ASTN1: variants seen among roughly 807,000 people sequenced by gnomAD.
ASTN1 encodes the protein astrotactin-1.
A neutral mutation model predicts 140.7 loss-of-function variants in ASTN1; 41 were observed. That is an observed-to-expected ratio of 0.29 (90% CI 0.23 to 0.38). The LOEUF is 0.38. Among genes scored for constraint, ASTN1 ranks in the 10% least tolerant of loss-of-function variants. The probability of loss-of-function intolerance (pLI) is 1.00; values close to 1 mark genes in which losing one functional copy is unlikely to be tolerated. For missense variants in ASTN1, 1,479 were observed against 1,678.8 expected, an observed-to-expected ratio of 0.88 and a Z score of 2.08; for synonymous variants, 640 against 652.2, an observed-to-expected ratio of 0.98 and a Z score of 0.29.
rs1310621313 is a variant in ASTN1 at position 176,915,142 on chromosome 1, A to T, written c.2671+19010T>A. ...ATAGCATACAGTGTTGGTCAAAAAT[A>T]ATTTGAACATAAAAATCACTTCTTG... On this transcript the variant is annotated intron_variant, in intron 16 of 22. Transcript: ENST00000361833. 2.0e-5 allele frequency among the ~76,000 whole-genome samples: 3 copies of T among 152,184 alleles called. No individual in the cohort carries two copies. In the East Asian group the frequency reaches 5.8e-4, roughly 29 times the overall value.
intron 15 of ASTN1, chr1:176,936,032 C>T (rs766643552): frequency 3.2e-5 from 19 of 587,846 alleles, no homozygotes; most frequent in Non-Finnish European, 5.0e-5. Flanking sequence ...CAGTCTTGCC[C>T]TTTCCCTCTC....
rs115531744 is a variant in ASTN1, at chr1:177,141,334, G to C, written c.283+23060C>G. On this transcript the variant is annotated intron_variant, in intron 1 of 22. Coordinates refer to ENST00000361833, the MANE Select transcript of ASTN1 (RefSeq NM_004319.3). Reference sequence around the variant, plus strand: ...GGACCTGGCGTGCAATGAATGATGGGGGCTTGGGGAACTTCTCTTCTCCAG... The same window carrying C: ...GGACCTGGCGTGCAATGAATGATGGCGGCTTGGGGAACTTCTCTTCTCCAG... Among the ~76,000 whole-genome samples, 746 of 152,220 alleles carry C rather than the reference G, an allele frequency of 4.9e-3. 6 individuals carry two copies. The highest frequency in any genetic ancestry group is 0.017 in the African/African-American group (715 of 41,528).
At chr1:176,957,322 C>A (rs1428743180) in intron 11 of ASTN1, among the ~76,000 whole-genome samples, 1 of 151,980 alleles carries the variant, frequency 6.6e-6, no homozygotes, top group African/African-American at 2.4e-5. Flanking sequence ...TTTTCACTAC[C>A]ATTCCTGGCA....
At chr1:177,128,246 A>T (rs2102196294) in intron 1 of ASTN1, among the ~76,000 whole-genome samples, 1 of 152,310 alleles carries the variant, frequency 6.6e-6, no homozygotes, top group East Asian at 1.9e-4. Context: ...CTTTCTGAAG[A>T]TTATTTTTTA....
At chr1:176,937,543 C>G (rs1185764834) in intron 14 of ASTN1, among the ~76,000 whole-genome samples, 2 of 151,946 alleles carry the variant, frequency 1.3e-5, no homozygotes, top group Non-Finnish European at 1.5e-5. Flanking sequence ...TGAATTCTAG[C>G]CATTACTATA....
chr1:176,948,195 G>A (rs892369543), intron 12 of ASTN1, among the ~76,000 whole-genome samples: 4 of 152,012 alleles, frequency 2.6e-5, no homozygotes, highest in Non-Finnish European at 5.9e-5. Context: ...ATCCTTGAGG[G>A]CAAGAACTAT....
intron 14 of ASTN1, among the ~76,000 whole-genome samples, chr1:176,939,523 C>T (rs1671608978): frequency 6.6e-6 from 1 of 151,972 alleles, no homozygotes; most frequent in Non-Finnish European, 1.5e-5. Context: ...GATAATAATT[C>T]CATTAGTTAA....
intron 20 of ASTN1, among the ~76,000 whole-genome samples, chr1:176,882,413 T>C (rs145535798): frequency 2.6e-5 from 4 of 152,378 alleles, no homozygotes; most frequent in Non-Finnish European, 4.4e-5. Context: ...TTCATGCTTC[T>C]TCACCTTTGC....
At chr1:176,977,574 T>G (rs931459617) in intron 8 of ASTN1, among the ~76,000 whole-genome samples, 2 of 152,236 alleles carry the variant, frequency 1.3e-5, no homozygotes, top group African/African-American at 4.8e-5. Context: ...TGGCATTTAT[T>G]TTGTCAATTT....
In ASTN1 at chr1:177,030,864, G is replaced by A; in HGVS notation, c.954C>T (p.Ala318=). ...TGCTGGAGGTGTGAGAGAGAAGGGTGGCTTGCTGGTGGTTGGAGTCCACAG... is the reference window on the plus strand; with the variant it reads ...TGCTGGAGGTGTGAGAGAGAAGGGTAGCTTGCTGGTGGTTGGAGTCCACAG... The part of the protein sequence containing the change: ...TSPVDSNHQQ[A]TLLSHTSSSQ... The change falls in exon 4 of 23, where the codon GCC becomes GCT. Residue 318 remains alanine, a synonymous_variant. Coordinates refer to ENST00000361833, the MANE Select transcript of ASTN1 (RefSeq NM_004319.3). The A allele has an allele frequency of 6.2e-7, 1 of 1,614,178 alleles. No homozygotes were observed. Among genetic ancestry groups the A allele is most frequent in the South Asian group, 1.1e-5 (1 of 91,084 alleles).
chr1:176,949,135 C>T (rs1385602187), intron 12 of ASTN1, 50 bp downstream of exon 12: 2 of 1,603,918 alleles, frequency 1.2e-6, no homozygotes, highest in Admixed American at 1.7e-5. Context: ...GAAAGTCCTG[C>T]GTCCTGGGAC....
intron 2 of ASTN1, among the ~76,000 whole-genome samples, chr1:177,040,258 G>A (rs6672689): frequency 0.35 from 52,561 of 152,130 alleles, 9,970 homozygotes; most frequent in Middle Eastern, 0.44. Flanking sequence ...GTCTTTAATC[G>A]TGTGGAAAGG....
chr1:176,925,821 T>A (rs2103079852), intron 16 of ASTN1, among the ~76,000 whole-genome samples: 1 of 151,920 alleles, frequency 6.6e-6, no homozygotes, highest in Non-Finnish European at 1.5e-5. Context: ...TCTTTTTTTT[T>A]TTTTTGAGGA....
Position 176,925,423 on chromosome 1 carries a change from C to T in ASTN1, c.2671+8729G>A, listed in dbSNP as rs150245687. 4.0e-3 allele frequency among the ~76,000 whole-genome samples: 609 copies of T among 152,246 alleles called. 4 individuals are homozygous for T. Among genetic ancestry groups the T allele is most frequent in the African/African-American group, 0.014 (580 of 41,528 alleles). On this transcript the variant is annotated intron_variant, in intron 16 of 22. Transcript: ENST00000361833. The stretch of plus-strand genomic sequence containing the variant: ...CTTGTCAGAAACGCAGAATTTCAGG[C>T]CCCACCCAGACTTACTGAATTAGAA...
chr1:176,899,953 A>G (rs1387332406), intron 16 of ASTN1, among the ~76,000 whole-genome samples: 1 of 152,250 alleles, frequency 6.6e-6, no homozygotes, highest in Non-Finnish European at 1.5e-5. Flanking sequence ...TCTACATGAA[A>G]TAATAAGTGC....
intron 1 of ASTN1, among the ~76,000 whole-genome samples, chr1:177,089,711 G>A (rs914670620): frequency 2.0e-5 from 3 of 151,918 alleles, no homozygotes; most frequent in East Asian, 1.9e-4. Context: ...CCACCTGCAC[G>A]TCACCCTCCC....
At chr1:177,045,448 C>T (rs1454061663) in intron 2 of ASTN1, among the ~76,000 whole-genome samples, 6 of 152,182 alleles carry the variant, frequency 3.9e-5, no homozygotes, top group African/African-American at 1.2e-4. Context: ...AGACTGAAGA[C>T]CTCCATCTGA....
At chr1:176,974,192 C>T (rs1673264357) in intron 8 of ASTN1, among the ~76,000 whole-genome samples, 1 of 152,024 alleles carries the variant, frequency 6.6e-6, no homozygotes, top group African/African-American at 2.4e-5. Flanking sequence ...TGATCCCTTC[C>T]TTCTGTGGCT....
At chr1:176,858,637 A>G (rs1667878320), downstream of ASTN1, among the ~76,000 whole-genome samples, 1 of 152,196 alleles carries the variant, frequency 6.6e-6, no homozygotes, top group Non-Finnish European at 1.5e-5. Flanking sequence ...AAAATAAAAA[A>G]CCCAAACCAA....
Sources: gnomAD v4.1 joint callset for allele counts (sites outside exome capture counted in the v4.1 genomes callset) on GRCh38, gnomAD v4.1.1 for gene constraint, MANE v1.5 for transcripts, NCBI Gene and HGNC (gene_info 2026-07-23, HGNC 2026-07-21) for gene names.